MTHFD1: variants seen among roughly 807,000 people sequenced by gnomAD.
MTHFD1 encodes C-1-tetrahydrofolate synthase, cytoplasmic.
A neutral mutation model predicts 110.3 loss-of-function variants in MTHFD1; 44 were observed. The ratio of observed to expected loss-of-function variants is 0.40; its 90% confidence interval spans 0.31 to 0.51. The LOEUF is 0.51. Ranked by LOEUF, MTHFD1 falls within the 20% of genes least tolerant of loss-of-function variation. The probability of loss-of-function intolerance (pLI) is 0.60; values close to 1 mark genes in which losing one functional copy is unlikely to be tolerated. For missense variants in MTHFD1, 909 were observed against 1,173.1 expected, an observed-to-expected ratio of 0.77 and a Z score of 3.29; for synonymous variants, 402 against 428.8, an observed-to-expected ratio of 0.94 and a Z score of 0.77.
chr14:64,447,443 C>T (rs1416614164), intron 22 of MTHFD1, among the ~76,000 whole-genome samples: 1 of 149,930 alleles, frequency 6.7e-6, no homozygotes, highest in Non-Finnish European at 1.5e-5. Flanking sequence ...CATAAGCCAC[C>T]AGGTCCGGCC....
chr14:64,408,559 G>T (rs1356317517), intron 2 of MTHFD1, among the ~76,000 whole-genome samples: 1 of 152,198 alleles, frequency 6.6e-6, no homozygotes, highest in Non-Finnish European at 1.5e-5. Flanking sequence ...AAAGTGCTGG[G>T]ATTACAGGCG....
rs141156808 is a variant in MTHFD1 at position 64,442,351 on chromosome 14, G to A, written c.2085G>A (p.Val695=). 2 of 1,614,098 alleles carry A rather than the reference G, an allele frequency of 1.2e-6. No individual in the cohort carries two copies. Among genetic ancestry groups the A allele is most frequent in the Non-Finnish European group, 1.7e-6 (2 of 1,180,038 alleles). ...ATTCCGGCCTCTGCCCCCACGTGGT[G>A]GTGCTTGTTGCCACTGTCAGGGCTC... ...CRYSGLCPHV[V]VLVATVRALK... Residue 695 remains valine (V), a synonymous_variant, in exon 21 of 28, where the codon GTG becomes GTA. Coordinates refer to ENST00000652337, the MANE Select transcript of MTHFD1 (RefSeq NM_005956.4).
In MTHFD1 at chr14:64,400,259, A is replaced by G. The variant is rs113246628; in HGVS notation, c.42-534A>G. ...CAAAATTAGCCAGGCTTGGTGGCGC[A>G]TGCCTGTAATCCTAGCTACTCGGGA... On this transcript the variant is annotated intron_variant, in intron 1 of 27. Transcript: ENST00000652337. 6.5e-3 allele frequency among the ~76,000 whole-genome samples: 987 copies of G among 152,256 alleles called. 5 individuals carry two copies. Among genetic ancestry groups the G allele is most frequent in the African/African-American group, 0.022 (900 of 41,556 alleles).
At chr14:64,457,433 A>T (rs1226249143) in intron 26 of MTHFD1, among the ~76,000 whole-genome samples, 1 of 151,450 alleles carries the variant, frequency 6.6e-6, no homozygotes, top group East Asian at 1.9e-4. Flanking sequence ...GCAGAAGGAC[A>T]TGAGGAATCA....
intron 1 of MTHFD1, chr14:64,388,854 AC>A (rs1220374225): frequency 8.4e-6 from 3 of 357,616 alleles, no homozygotes; most frequent in Non-Finnish European, 1.6e-5. Context: ...TAGTGAGGTG[AC>A]AAGGCTTGAC....
intron 7 of MTHFD1, 68 bp from the exon 8 acceptor site, chr14:64,419,746 A>C (rs1224560217): frequency 1.8e-5 from 19 of 1,046,200 alleles, no homozygotes; most frequent in Non-Finnish European, 2.7e-5. Context: ...TATCCTTTTC[A>C]TTTCTGGGTT....
chr14:64,403,297 CAG>C (rs942015563), intron 2 of MTHFD1, among the ~76,000 whole-genome samples: 2 of 146,870 alleles, frequency 1.4e-5, no homozygotes, highest in African/African-American at 5.1e-5. Flanking sequence ...TTTTTTGAAA[CAG>C]AATCTCGCTC....
chr14:64,411,208 T>G, intron 3 of MTHFD1, 59 bp downstream of exon 3: 247 of 1,224,564 alleles, frequency 2.0e-4, no homozygotes, highest in Non-Finnish European at 2.8e-4. Flanking sequence ...TCCTATCGAT[T>G]ACCCCTTGCC....
intron 1 of MTHFD1, among the ~76,000 whole-genome samples, chr14:64,397,208 T>G (rs2077864740): frequency 2.0e-5 from 2 of 98,474 alleles, no homozygotes; most frequent in Non-Finnish European, 3.8e-5. Flanking sequence ...AGTAATCTAT[T>G]GGGGCAGGGG....
chr14:64,418,557 CTTTA>C (rs1437480494), intron 7 of MTHFD1, among the ~76,000 whole-genome samples: 6 of 148,832 alleles, frequency 4.0e-5, no homozygotes, highest in Non-Finnish European at 7.5e-5. Context: ...TTTCTTTTTT[CTTTA>C]TTTATTTTTT....
At chr14:64,404,391 T>C (rs570933482) in intron 2 of MTHFD1, among the ~76,000 whole-genome samples, 125 of 152,330 alleles carry the variant, frequency 8.2e-4, no homozygotes, top group African/African-American at 2.8e-3. Context: ...CCCAGTCCCA[T>C]AGCTTCATGA....
intron 18 of MTHFD1, 130 bp downstream of exon 18, chr14:64,440,396 A>G (rs1300499041): frequency 8.8e-7 from 1 of 1,130,048 alleles, no homozygotes; most frequent in Non-Finnish European, 1.3e-6. Flanking sequence ...ATTTAATCCT[A>G]TTTTGCTAAT....
chr14:64,457,209 A>C (rs942638906), intron 26 of MTHFD1, among the ~76,000 whole-genome samples: 42 of 152,232 alleles, frequency 2.8e-4, no homozygotes, highest in Admixed American at 1.8e-3. Context: ...AGCAAAAATC[A>C]CATGGGCAGC....
chr14:64,427,231 T>C, intron 11 of MTHFD1, 106 bp from the exon 12 acceptor site: 4 of 1,347,268 alleles, frequency 3.0e-6, no homozygotes, highest in African/African-American at 1.5e-5. Flanking sequence ...TTGTCTTTCT[T>C]AATCTTTAGA....
intron 8 of MTHFD1, among the ~76,000 whole-genome samples, chr14:64,421,944 C>G (rs1321234500): frequency 6.6e-6 from 1 of 152,096 alleles, no homozygotes; most frequent in Non-Finnish European, 1.5e-5. Context: ...TTTTTAAAAC[C>G]TCGCATCTTC....
chr14:64,454,680 T>TC, intron 25 of MTHFD1, 43 bp from the exon 26 acceptor site: 1 of 1,561,940 alleles, frequency 6.4e-7, no homozygotes, highest in Non-Finnish European at 8.8e-7. Context: ...TGCTGGGTTG[T>TC]CATCTTTTCA....
chr14:64,415,835 T>C (rs1440300275), intron 6 of MTHFD1, 96 bp downstream of exon 6: 2 of 1,231,608 alleles, frequency 1.6e-6, no homozygotes, highest in Non-Finnish European at 2.3e-6. Flanking sequence ...GGGCCATAAA[T>C]AAATGGACTT....
At chr14:64,408,717 G>A (rs1191658985) in intron 2 of MTHFD1, among the ~76,000 whole-genome samples, 1 of 152,204 alleles carries the variant, frequency 6.6e-6, no homozygotes, top group South Asian at 2.1e-4. Context: ...TTGGCAGGCT[G>A]AGGCAGGAGG....
At chr14:64,393,280 T>A (rs1335656418) in intron 1 of MTHFD1, among the ~76,000 whole-genome samples, 5 of 152,060 alleles carry the variant, frequency 3.3e-5, no homozygotes, top group Non-Finnish European at 7.4e-5. Context: ...ATGCCTGTAA[T>A]CCCAGCTACT....
Sources: gnomAD v4.1 joint callset for allele counts (sites outside exome capture counted in the v4.1 genomes callset) on GRCh38, gnomAD v4.1.1 for gene constraint, MANE v1.5 for transcripts, NCBI Gene and HGNC (gene_info 2026-07-23, HGNC 2026-07-21) for gene names.